The following TMX2 variants were observed in gnomAD, a reference collection of about 807,000 sequenced individuals.
The protein encoded by TMX2 is thioredoxin related transmembrane protein 2, also known as thioredoxin-related transmembrane protein 2.
TMX2 carries 20 observed loss-of-function variants against 33.4 expected under a neutral mutation model. The ratio of observed to expected loss-of-function variants is 0.60; its 90% CI spans 0.42 to 0.87. The LOEUF is 0.87. Ranked by LOEUF, TMX2 falls within the 40% of genes least tolerant of loss-of-function variation. The pLI is 0.00. For synonymous variants in TMX2, 166 were observed against 140.7 expected (o/e 1.18, Z -1.27); for missense variants, 340 against 370.7 (o/e 0.92, Z 0.68).
intron 1 of TMX2, among the ~76,000 whole-genome samples, chr11:57,714,255 A>G (rs1347902371): frequency 6.6e-6 from 1 of 152,228 alleles, no homozygotes; most frequent in Non-Finnish European, 1.5e-5. Flanking sequence ...GGGATAGTCC[A>G]GTTCAATTAA....
intron 1 of TMX2, among the ~76,000 whole-genome samples, chr11:57,735,235 G>GT: frequency 4.0e-5 from 6 of 150,472 alleles, no homozygotes; most frequent in Admixed American, 4.0e-4. Flanking sequence ...TTGAGACGTT[G>GT]TTTCACTCTG....
chr11:57,739,416 A>G (rs1948946690), intron 7 of TMX2, among the ~76,000 whole-genome samples, 156 bp downstream of exon 7: 1 of 151,772 alleles, frequency 6.6e-6, no homozygotes, highest in Admixed American at 6.6e-5. Context: ...TTTAGCAAAT[A>G]TATATTATGT....
chr11:57,737,652 G>C lies in TMX2; in HGVS notation c.234G>C (p.Met78Ile). ...ILMFLSAIVMMKNRRSITVEQ... is the reference protein window; with the variant it reads ...ILMFLSAIVMIKNRRSITVEQ... ...TGTTTCTCAGTGCCATTGTGATGAT[G>C]AAGAACCGCAGATCCAGTAAGTTTA... The change falls in exon 2 of 8, where the codon ATG becomes ATC. Residue 78 changes from methionine to isoleucine, a missense_variant. Around this residue, in one of 3 missense-constraint regions of TMX2, gnomAD observed 25 missense variants for 46.5 expected, o/e 0.54. Coordinates refer to ENST00000278422, the MANE Select transcript of TMX2 (RefSeq NM_015959.4). 2 of 1,614,102 alleles carry C rather than the reference G, an allele frequency of 1.2e-6. No individual in the cohort carries two copies. Among genetic ancestry groups the C allele is most frequent in the East Asian group, 2.2e-5 (1 of 44,890 alleles).
Position 57,725,928 on chromosome 11 carries a change from C to T in TMX2, c.190-11680C>T, listed in dbSNP as rs186211715. ...AAATATTTACTAACATTATAAAGTA[C>T]CATGGAACAAAGCCTCCTGGGTATA... On this transcript the variant is annotated intron_variant, in intron 1 of 7. Transcript: ENST00000278422. Among the ~76,000 whole-genome samples the T allele has an allele frequency of 1.6e-3, 250 of 152,066 alleles. 1 individual carries two copies. The highest frequency in any genetic ancestry group is 2.8e-3 in the Non-Finnish European group (192 of 68,010).
At chr11:57,726,386 C>T (rs1209292890) in intron 1 of TMX2, among the ~76,000 whole-genome samples, 1 of 151,776 alleles carries the variant, frequency 6.6e-6, no homozygotes, top group Non-Finnish European at 1.5e-5. Flanking sequence ...GCACTCTGGC[C>T]TGGGCGACAG....
intron 2 of TMX2, 114 bp from the exon 3 acceptor site, chr11:57,737,799 T>A (rs759938206): frequency 6.2e-7 from 1 of 1,602,082 alleles, no homozygotes; most frequent in East Asian, 2.2e-5. Flanking sequence ...GAATTTGAAC[T>A]TGGACTTCTA....
intron 1 of TMX2, among the ~76,000 whole-genome samples, chr11:57,721,612 G>T (rs953314866): frequency 5.9e-5 from 9 of 151,838 alleles, no homozygotes; most frequent in African/African-American, 2.2e-4. Context: ...CACTGTGCCT[G>T]GTCTAAAATG....
chr11:57,732,240 A>G (rs893700116), intron 1 of TMX2, among the ~76,000 whole-genome samples: 10 of 152,202 alleles, frequency 6.6e-5, no homozygotes, highest in African/African-American at 2.4e-4. Flanking sequence ...CTTTGTGCCT[A>G]TAAGCAACAT....
In TMX2 at chr11:57,728,713, A is replaced by C. The variant is rs12272365; in HGVS notation, c.190-8895A>C. On this transcript the variant is annotated intron_variant, in intron 1 of 7. Coordinates refer to ENST00000278422, the MANE Select transcript of TMX2 (RefSeq NM_015959.4). The stretch of plus-strand genomic sequence containing the variant: ...CGGTTCATCTGTGTCCATTTGTGTG[A>C]GGAACTGAACTGTTGCTTTCATAGA... 7.6e-3 allele frequency among the ~76,000 whole-genome samples: 1,149 copies of C among 152,178 alleles called. 23 individuals carry two copies. Among genetic ancestry groups the C allele is most frequent in the African/African-American group, 0.026 (1,091 of 41,492 alleles).
intron 4 of TMX2, 64 bp downstream of exon 4, chr11:57,738,494 C>A (rs998960516): frequency 7.4e-7 from 1 of 1,354,816 alleles, no homozygotes; most frequent in African/African-American, 1.4e-5. Flanking sequence ...GTTGTGCTCT[C>A]CATTCACTAG....
chr11:57,727,975 C>T (rs1180589255), intron 1 of TMX2, among the ~76,000 whole-genome samples: 2 of 152,116 alleles, frequency 1.3e-5, no homozygotes. Flanking sequence ...TTGAGTTGTC[C>T]TGCCTTTCTG....
Position 57,739,172 on chromosome 11 carries a change from C to T in TMX2, c.656C>T (p.Thr219Ile). 6.2e-7 allele frequency: 1 copy of T among 1,614,132 alleles called. No homozygotes were observed. The change falls in exon 7 of 8, where the codon ACC (threonine) becomes ATC (isoleucine). Residue 219 changes from threonine to isoleucine, a missense_variant. Physicochemically the swap from Thr to Ile is moderately conservative, Grantham distance 89 (BLOSUM62 -1). Coordinates refer to ENST00000278422, the MANE Select transcript of TMX2 (RefSeq NM_015959.4). ...TCACCCCTCACCAAGCAACTCCCTACCCTGATCCTGTTCCAAGGTGGCAAG... is the reference window on the plus strand; with the variant it reads ...TCACCCCTCACCAAGCAACTCCCTATCCTGATCCTGTTCCAAGGTGGCAAG... ...STSPLTKQLP[T>I]LILFQGGKEA...
At chr11:57,727,630 A>C (rs1015632139) in intron 1 of TMX2, among the ~76,000 whole-genome samples, 12 of 152,178 alleles carry the variant, frequency 7.9e-5, no homozygotes, top group African/African-American at 2.9e-4. Flanking sequence ...TTTTACCCCA[A>C]AATCTGTTTC....
At chr11:57,727,828 C>G (rs539798466) in intron 1 of TMX2, among the ~76,000 whole-genome samples, 75 of 152,302 alleles carry the variant, frequency 4.9e-4, no homozygotes, top group African/African-American at 1.6e-3. Context: ...CCGCTGAGAG[C>G]TTCCTCTGCA....
rs779800043 is a variant in TMX2, at chr11:57,738,764, CCCTT to C, written c.543_546del (p.Leu182AsnfsTer7). The C allele has an allele frequency of 1.2e-6, 2 of 1,613,262 alleles. No individual in the cohort carries two copies. The highest frequency in any genetic ancestry group is 2.2e-5 in the South Asian group (2 of 91,058). On this transcript the variant is annotated frameshift_variant and splice_region_variant, in exon 5 of 8. Coordinates refer to ENST00000278422, the MANE Select transcript of TMX2 (RefSeq NM_015959.4). LOFTEE classifies it high-confidence loss of function. Reference sequence around the variant, plus strand: ...TTTGCCCCTATCTATGCTGACCTCTCCCTTAAGTGAGTAGTGCAAAGGGAGGGAT... The same window carrying C: ...TTTGCCCCTATCTATGCTGACCTCTCAAGTGAGTAGTGCAAAGGGAGGGAT...
In TMX2 at chr11:57,712,821, G is replaced by T. The variant is rs770605338; in HGVS notation, c.189+14G>T. 2 of 1,613,640 alleles carry T rather than the reference G, an allele frequency of 1.2e-6. No individual in the cohort carries two copies. Among genetic ancestry groups the T allele is most frequent in the Non-Finnish European group, 1.7e-6 (2 of 1,179,916 alleles). On this transcript the variant is annotated intron_variant, in intron 1 of 7. Coordinates refer to ENST00000278422, the MANE Select transcript of TMX2 (RefSeq NM_015959.4). ...GACTTTGACTGGGTGAGCCTCCCGC[G>T]TGTTAGTACCCCGCGACCTTGACTG...
chr11:57,738,344 C>G lies in TMX2; in HGVS notation c.365-10C>G. On this transcript the variant is annotated splice_polypyrimidine_tract_variant and intron_variant, in intron 3 of 7. Coordinates refer to ENST00000278422, the MANE Select transcript of TMX2 (RefSeq NM_015959.4). ...TTATGTTTCCTTCGACATCTTCTTT[C>G]TGTATTTAGTGTTCCTGATGACGTG... 6.3e-7 allele frequency: 1 copy of G among 1,588,412 alleles called. No homozygotes were observed. Among genetic ancestry groups the G allele is most frequent in the Non-Finnish European group, 8.6e-7 (1 of 1,157,954 alleles).
At chr11:57,722,956 A>T (rs1947734285) in intron 1 of TMX2, among the ~76,000 whole-genome samples, 1 of 151,634 alleles carries the variant, frequency 6.6e-6, no homozygotes, top group Non-Finnish European at 1.5e-5. Context: ...GTACAAAAAT[A>T]CAAAATTAGC....
Position 57,739,197 on chromosome 11 carries a change from G to A in TMX2, c.681G>A (p.Lys227=). 6.2e-7 allele frequency: 1 copy of A among 1,614,130 alleles called. No individual in the cohort carries two copies. The highest frequency in any genetic ancestry group is 2.2e-5 in the East Asian group (1 of 44,874). Residue 227 remains lysine, a synonymous_variant, in exon 7 of 8, where the codon AAG becomes AAA. Transcript: ENST00000278422. The stretch of plus-strand genomic sequence containing the variant: ...CCCTGATCCTGTTCCAAGGTGGCAA[G>A]GAGGCAATGCGGCGGCCACAGATTG... ...LPTLILFQGG[K]EAMRRPQIDK...
Sources: gnomAD v4.1 joint callset for allele counts (sites outside exome capture counted in the v4.1 genomes callset) on GRCh38, gnomAD v4.1.1 for gene constraint, gnomAD v4.1.1 regional missense constraint, MANE v1.5 for transcripts, NCBI Gene and HGNC (gene_info 2026-07-23, HGNC 2026-07-21) for gene names.